Variants in RPH3AL observed in about 807,000 individuals in gnomAD.
RPH3AL encodes the protein rab effector Noc2.
Under a neutral mutation model 43.1 loss-of-function variants are expected in RPH3AL, and 38 were observed. The observed-to-expected ratio is 0.88, with a 90% confidence interval of 0.68 to 1.15. The LOEUF (loss-of-function observed/expected upper bound fraction) is 1.15. Among genes scored for constraint, RPH3AL ranks in the 50% most tolerant of loss-of-function variants. The pLI, the probability that RPH3AL is intolerant of heterozygous loss-of-function variation, is 0.00. For synonymous variants in RPH3AL, 189 were observed against 176.3 expected, an observed-to-expected ratio of 1.07 and a Z score of -0.57; for missense variants, 462 against 423.2, an observed-to-expected ratio of 1.09 and a Z score of -0.81.
chr17:258,435 G>A (rs374838111), intron 6 of RPH3AL, among the ~76,000 whole-genome samples: 2 of 152,158 alleles, frequency 1.3e-5, no homozygotes, highest in African/African-American at 2.4e-5. Context: ...TTAATCAAAC[G>A]GACTTCCTAT....
chr17:251,376 C>T (rs550577035), intron 6 of RPH3AL, among the ~76,000 whole-genome samples: 9 of 152,196 alleles, frequency 5.9e-5, no homozygotes, highest in Non-Finnish European at 1.0e-4. Context: ...CCAGAAGCAT[C>T]GAAGAAGCTT....
intron 7 of RPH3AL, among the ~76,000 whole-genome samples, chr17:241,571 ATGCAGAG>A (rs2041534237): frequency 6.6e-6 from 1 of 152,140 alleles, no homozygotes; most frequent in African/African-American, 2.4e-5. Context: ...AAAAAGCACC[ATGCAGAG>A]TGTTGGGTAA....
At chr17:324,681 T>TTCTAGCTAGCTAGCTATCTATCTA (rs2044568356) in intron 3 of RPH3AL, among the ~76,000 whole-genome samples, 1 of 130,056 alleles carries the variant, frequency 7.7e-6, no homozygotes, top group South Asian at 2.5e-4. Flanking sequence ...CTTTCTATCT[T>TTCTAGCTAGCTAGCTATCTATCTA]TCTATCTATC....
At position 283,640 on chromosome 17, in the gene RPH3AL, C is replaced by A. The variant is rs1391339985; in HGVS notation, c.352-1786G>T. Among the ~76,000 whole-genome samples, 1 of 152,096 alleles carries A rather than the reference C, an allele frequency of 6.6e-6. No homozygotes were observed. Among genetic ancestry groups the A allele is most frequent in the African/African-American group, 2.4e-5 (1 of 41,432 alleles). On this transcript the variant is annotated intron_variant, in intron 5 of 9. Coordinates refer to ENST00000331302, the MANE Select transcript of RPH3AL (RefSeq NM_006987.4). The surrounding 1 kb of genome is among the most constrained non-coding windows in gnomAD (Gnocchi z 4.2). Reference sequence around the variant, plus strand: ...ACACTCCTCACTGCTGGCCTTCTTGCTTCCCAAGCTCTCATGACCCCATGA... The same window carrying A: ...ACACTCCTCACTGCTGGCCTTCTTGATTCCCAAGCTCTCATGACCCCATGA...
At chr17:242,911 A>G (rs375788281) in intron 7 of RPH3AL, among the ~76,000 whole-genome samples, 104 of 118,444 alleles carry the variant, frequency 8.8e-4, no homozygotes, top group Non-Finnish European at 1.4e-3. Flanking sequence ...ACCTTCCTCT[A>G]TTGATTACCC....
At chr17:229,023 G>T (rs2041166856) in intron 7 of RPH3AL, among the ~76,000 whole-genome samples, 1 of 152,164 alleles carries the variant, frequency 6.6e-6, no homozygotes, top group African/African-American at 2.4e-5. Flanking sequence ...AGGACAAACA[G>T]CTTTGCAAAT....
In RPH3AL at chr17:347,144, G is replaced by C. The variant is rs530090651; in HGVS notation, c.-213+5568C>G. Among the ~76,000 whole-genome samples, 9 of 134,814 alleles carry C rather than the reference G, an allele frequency of 6.7e-5. 1 individual carries two copies. In the South Asian group the frequency reaches 2.2e-3, roughly 33 times the overall value. 88.4% of individuals were successfully genotyped at this position (134,814 alleles called of 152,430 possible). On this transcript the variant is annotated intron_variant, in intron 1 of 9. Coordinates refer to ENST00000331302, the MANE Select transcript of RPH3AL (RefSeq NM_006987.4). ...ATGGTGGCAGGCACCTGTAGTCCCA[G>C]CTATTCAGGAGGCTGAGGCAGGAGA...
rs757098287 is a variant in RPH3AL, at chr17:219,681, G to C, written c.669C>G (p.Asp223Glu). The C allele has an allele frequency of 1.2e-6, 2 of 1,613,650 alleles. No homozygotes were observed. Among genetic ancestry groups the C allele is most frequent in the Non-Finnish European group, 1.7e-6 (2 of 1,179,904 alleles). Residue 223 changes from aspartate (D) to glutamate (E), a missense_variant, in exon 8 of 10, where the codon GAC becomes GAG. Asp to Glu is a conservative substitution (Grantham distance 45). Transcript: ENST00000331302. ...DSDLSSSSLE[D>E]RLPSTGVRDR... ...CCCTGACCCCAGTGGATGGGAGTCTGTCCTCTAGGCTGGAGGAGCTAAGAT... is the reference window on the plus strand; with the variant it reads ...CCCTGACCCCAGTGGATGGGAGTCTCTCCTCTAGGCTGGAGGAGCTAAGAT...
intron 6 of RPH3AL, among the ~76,000 whole-genome samples, chr17:278,567 G>A (rs895196878): frequency 1.3e-5 from 2 of 152,184 alleles, no homozygotes; most frequent in East Asian, 1.9e-4. Context: ...CACAGAAGAT[G>A]CTTCAGATCT....
chr17:243,399 T>TTGATTACCTTCCTCTAG (rs2041634951), intron 7 of RPH3AL, among the ~76,000 whole-genome samples: 1 of 141,462 alleles, frequency 7.1e-6, no homozygotes, highest in Non-Finnish European at 1.5e-5. Flanking sequence ...CCTTCCTCTA[T>TTGATTACCTTCCTCTAG]TGACTACCTT....
At chr17:230,839 TTTTTTGTTG>T (rs781074613) in intron 7 of RPH3AL, among the ~76,000 whole-genome samples, 2 of 151,342 alleles carry the variant, frequency 1.3e-5, no homozygotes, top group African/African-American at 4.9e-5. Context: ...GCCTCCCTTG[TTTTTTGTTG>T]TTGTTGTTGT....
At chr17:266,620 T>G (rs2042331444) in intron 6 of RPH3AL, among the ~76,000 whole-genome samples, 1 of 152,202 alleles carries the variant, frequency 6.6e-6, no homozygotes, top group South Asian at 2.1e-4. Flanking sequence ...AGAGCCTGAG[T>G]GAGTTTCCTC....
rs528973570 is a variant in RPH3AL at position 264,029 on chromosome 17, G to T, written c.439-16744C>A. Among the ~76,000 whole-genome samples the T allele has an allele frequency of 3.1e-4, 47 of 152,188 alleles. No individual in the cohort carries two copies. Among genetic ancestry groups the T allele is most frequent in the Non-Finnish European group, 5.7e-4 (39 of 68,036 alleles). On this transcript the variant is annotated intron_variant, in intron 6 of 9. Transcript: ENST00000331302. This position sits in a 1 kb window ranked among gnomAD's most constrained non-coding sequence, Gnocchi z 4.8. Reference sequence around the variant, plus strand: ...CGGACGCGATGCTGCTTTCCAAGATGGCTGGGCGGGGATCTCTGATCAGAT... The same window carrying T: ...CGGACGCGATGCTGCTTTCCAAGATTGCTGGGCGGGGATCTCTGATCAGAT...
At chr17:262,305 G>A (rs533620871) in intron 6 of RPH3AL, among the ~76,000 whole-genome samples, 39 of 152,018 alleles carry the variant, frequency 2.6e-4, no homozygotes, top group African/African-American at 6.5e-4. Context: ...TGCAACCTCC[G>A]CCTCCCGGGT....
chr17:305,428 T>A (rs912123938), intron 5 of RPH3AL, among the ~76,000 whole-genome samples: 2 of 152,014 alleles, frequency 1.3e-5, no homozygotes, highest in Admixed American at 1.3e-4. Flanking sequence ...TACTCCACCC[T>A]GGAGGCCCAG....
At chr17:255,794 G>A (rs376601105) in intron 6 of RPH3AL, among the ~76,000 whole-genome samples, 1 of 22,378 alleles carries the variant, frequency 4.5e-5, no homozygotes, top group Non-Finnish European at 9.2e-5. Flanking sequence ...GCCGCACGGC[G>A]TCTGTCCTTT....
chr17:227,808 AAG>A (rs941094308), intron 7 of RPH3AL, among the ~76,000 whole-genome samples: 1 of 152,210 alleles, frequency 6.6e-6, no homozygotes, highest in Non-Finnish European at 1.5e-5. Flanking sequence ...ATTATAGAGG[AAG>A]AGAGATATTT....
intron 7 of RPH3AL, among the ~76,000 whole-genome samples, chr17:223,180 ACT>A (rs1427082563): frequency 2.9e-5 from 4 of 136,924 alleles, no homozygotes; most frequent in African/African-American, 1.1e-4. Flanking sequence ...ACAGAGCAAG[ACT>A]CTGTCTCAAA....
chr17:289,760 A>T lies in RPH3AL; in HGVS notation c.352-7906T>A, dbSNP rs1405772299. Among the ~76,000 whole-genome samples, 3 of 152,082 alleles carry T rather than the reference A, an allele frequency of 2.0e-5. No individual in the cohort carries two copies. The highest frequency in any genetic ancestry group is 4.4e-5 in the Non-Finnish European group (3 of 68,020). ...GGTCCTTCTGCCACAGGACCTTTGC[A>T]CGTGTTGCCCCCTCTGTGTGGCCAC... On this transcript the variant is annotated intron_variant, in intron 5 of 9. Coordinates refer to ENST00000331302, the MANE Select transcript of RPH3AL (RefSeq NM_006987.4). The surrounding 1 kb of genome is among the most constrained non-coding windows in gnomAD (Gnocchi z 5.2).
Sources: gnomAD v4.1 joint callset for allele counts (sites outside exome capture counted in the v4.1 genomes callset) on GRCh38, gnomAD v4.1.1 for gene constraint, Gnocchi (gnomAD v3.1) non-coding constraint, MANE v1.5 for transcripts, NCBI Gene and HGNC (gene_info 2026-07-23, HGNC 2026-07-21) for gene names.